The following ZNF143 variants were observed in gnomAD, a reference collection of about 807,000 sequenced individuals.
ZNF143 encodes the protein SPH-binding factor.
A neutral mutation model predicts 74.1 loss-of-function variants in ZNF143; 49 were observed. That is an observed-to-expected ratio of 0.66 (90% CI 0.53 to 0.84). The LOEUF is 0.84. ZNF143 is among the 40% of genes least tolerant of loss of function. The pLI, the probability that ZNF143 is intolerant of heterozygous loss-of-function variation, is 0.00. For missense variants in ZNF143, 637 were observed against 793.4 expected (o/e 0.80, Z 2.37); for synonymous variants, 304 against 282.8 (o/e 1.07, Z -0.75).
In ZNF143 at chr11:9,487,149, T is replaced by C. The variant is rs139027058; in HGVS notation, c.646-7497T>C. Among the ~76,000 whole-genome samples the C allele has an allele frequency of 1.5e-3, 225 of 150,208 alleles. 14 individuals are homozygous for C. Among genetic ancestry groups the C allele is most frequent in the African/African-American group, 5.5e-3 (221 of 40,162 alleles). On this transcript the variant is annotated intron_variant, in intron 7 of 15. Transcript: ENST00000396602. ...GCCTGGCTAATTTTTGTATTTTTAA[T>C]AGAGATGGGGTGTCACCATGTTGGC...
At chr11:9,497,153 AAC>A (rs1052101456) in intron 9 of ZNF143, among the ~76,000 whole-genome samples, 104 of 152,332 alleles carry the variant, frequency 6.8e-4, no homozygotes, top group African/African-American at 2.5e-3. Flanking sequence ...TTAGAAAAGA[AAC>A]ACACAACCTC....
intron 11 of ZNF143, 55 bp downstream of exon 11, chr11:9,501,325 G>A: frequency 1.9e-6 from 3 of 1,574,576 alleles, no homozygotes; most frequent in Non-Finnish European, 2.6e-6. Context: ...TTTAACTCCT[G>A]CCTTTTCCAG....
At chr11:9,464,336 C>T (rs1165209136) in intron 1 of ZNF143, among the ~76,000 whole-genome samples, 1 of 152,150 alleles carries the variant, frequency 6.6e-6, no homozygotes, top group African/African-American at 2.4e-5. Flanking sequence ...CGTGGTGGCT[C>T]ACGCCTATAA....
intron 2 of ZNF143, among the ~76,000 whole-genome samples, chr11:9,472,089 C>T (rs1348005079): frequency 2.0e-5 from 3 of 151,160 alleles, no homozygotes; most frequent in African/African-American, 7.3e-5. Flanking sequence ...CCAGCGTGCC[C>T]AGCTAATTAT....
At chr11:9,524,630 A>AT (rs1182941166) in intron 14 of ZNF143, among the ~76,000 whole-genome samples, 2 of 152,144 alleles carry the variant, frequency 1.3e-5, no homozygotes, top group Non-Finnish European at 2.9e-5. Context: ...TGTTATCTGC[A>AT]TTTTTTTAAA....
chr11:9,520,098 C>G (rs1249639950), intron 14 of ZNF143, among the ~76,000 whole-genome samples: 3 of 143,028 alleles, frequency 2.1e-5, no homozygotes, highest in East Asian at 2.1e-4. Context: ...GTGCAGTGGC[C>G]CAATCTCGGC....
intron 15 of ZNF143, among the ~76,000 whole-genome samples, chr11:9,527,123 G>A (rs552673115): frequency 2.6e-5 from 4 of 152,032 alleles, no homozygotes; most frequent in African/African-American, 7.2e-5. Flanking sequence ...GTGAGCCACC[G>A]CGCCCAGCCA....
chr11:9,468,389 ATC>A (rs1411509337), intron 1 of ZNF143, among the ~76,000 whole-genome samples: 1 of 152,154 alleles, frequency 6.6e-6, no homozygotes, highest in African/African-American at 2.4e-5. Context: ...AGTAGGTCCT[ATC>A]TCTGTTGTCA....
chr11:9,501,312 C>T (rs1848149507), intron 11 of ZNF143, 42 bp downstream of exon 11: 1 of 1,592,526 alleles, frequency 6.3e-7, no homozygotes, highest in Admixed American at 1.8e-5. Context: ...TTTCAAGGCT[C>T]AGTTTAACTC....
In ZNF143 at chr11:9,501,087, G is replaced by A. The variant is rs1848141591; in HGVS notation, c.968-4G>A. 1.9e-6 allele frequency: 3 copies of A among 1,613,992 alleles called. No homozygotes were observed. The highest frequency in any genetic ancestry group is 2.5e-6 in the Non-Finnish European group (3 of 1,179,960). On this transcript the variant is annotated splice_polypyrimidine_tract_variant and splice_region_variant and intron_variant, in intron 10 of 15. Transcript: ENST00000396602. ...ATTTAATGTATTACCCTTTATATTT[G>A]CAGGAGAAAGGCCCTTTAAGTGTCC...
chr11:9,482,658 T>G (rs1431326756), intron 7 of ZNF143, among the ~76,000 whole-genome samples: 3 of 572 alleles, frequency 5.2e-3, no homozygotes, highest in Non-Finnish European at 0.5. Flanking sequence ...ATGGGATTCT[T>G]TTTTTTTTTT....
intron 10 of ZNF143, among the ~76,000 whole-genome samples, chr11:9,500,387 T>G (rs1411880662): frequency 6.6e-6 from 1 of 151,962 alleles, no homozygotes; most frequent in African/African-American, 2.4e-5. Context: ...TACTATTTCC[T>G]GACACAGTTA....
chr11:9,500,159 C>G (rs1848106272), intron 10 of ZNF143, among the ~76,000 whole-genome samples: 1 of 152,054 alleles, frequency 6.6e-6, no homozygotes, highest in Non-Finnish European at 1.5e-5. Flanking sequence ...GTTGCCCAGG[C>G]TGGTCTTGAA....
chr11:9,508,476 T>G, intron 11 of ZNF143, 143 bp from the exon 12 acceptor site: 1 of 708,178 alleles, frequency 1.4e-6, no homozygotes, highest in South Asian at 1.9e-5. Flanking sequence ...GGGAATCTTT[T>G]CTTGTGTGCT....
At chr11:9,488,643 A>G (rs1036836791) in intron 7 of ZNF143, among the ~76,000 whole-genome samples, 1 of 152,182 alleles carries the variant, frequency 6.6e-6, no homozygotes, top group African/African-American at 2.4e-5. Context: ...GATAACAATT[A>G]TTATATTCTA....
At position 9,521,013 on chromosome 11, in the gene ZNF143, G is replaced by A. The variant is rs534532342; in HGVS notation, c.1687-4227G>A. 1.4e-3 allele frequency among the ~76,000 whole-genome samples: 206 copies of A among 152,164 alleles called. 2 individuals carry two copies. Among genetic ancestry groups the A allele is most frequent in the South Asian group, 2.5e-3 (12 of 4,822 alleles). ...AGATGATTTTTTAGAGCTGTTATAG[G>A]TCACCACAAAATTGAGAGGTAGGTA... On this transcript the variant is annotated intron_variant, in intron 14 of 15. Transcript: ENST00000396602.
rs1856733252 is a variant in ZNF143, at chr11:9,473,923, T to C, written c.206-18T>C. On this transcript the variant is annotated intron_variant, in intron 3 of 15. Transcript: ENST00000396602. ...TTTTTGTTTGTGCCAATTTATTGTCTTGAATCTTTTGTTATAGATGCAAAA... is the reference window on the plus strand; with the variant it reads ...TTTTTGTTTGTGCCAATTTATTGTCCTGAATCTTTTGTTATAGATGCAAAA... 1.2e-6 allele frequency: 2 copies of C among 1,613,798 alleles called. No homozygotes were observed. The highest frequency in any genetic ancestry group is 1.7e-6 in the Non-Finnish European group (2 of 1,179,800).
At chr11:9,489,868 C>T (rs1269381226) in intron 7 of ZNF143, among the ~76,000 whole-genome samples, 2 of 152,156 alleles carry the variant, frequency 1.3e-5, no homozygotes, top group South Asian at 2.1e-4. Flanking sequence ...AAATAAAACT[C>T]TACACTTGTA....
chr11:9,479,607 A>T, intron 7 of ZNF143, 61 bp downstream of exon 7: 1 of 1,419,972 alleles, frequency 7.0e-7, no homozygotes. Flanking sequence ...CCTTCTGTGG[A>T]TGAAAGCAAG....
Sources: allele counts gnomAD v4.1 joint callset (sites outside exome capture counted in the v4.1 genomes callset), GRCh38; gene constraint gnomAD v4.1.1; transcripts MANE v1.5; gene names NCBI Gene and HGNC (gene_info 2026-07-23, HGNC 2026-07-21).